Variants in C6 observed in about 807,000 individuals in gnomAD.
C6 encodes the protein complement component C6.
In C6, 101 loss-of-function variants were observed where a neutral mutation model predicts 112.9. The ratio of observed to expected loss-of-function variants is 0.89; its 90% CI spans 0.76 to 1.06. The LOEUF is 1.06. C6 is among the 50% of genes least tolerant of loss of function. The pLI, the probability that C6 is intolerant of heterozygous loss-of-function variation, is 0.00. For synonymous variants in C6, 431 were observed against 384.1 expected, an observed-to-expected ratio of 1.12 and a Z score of -1.43; for missense variants, 1,202 against 1,104.6, an observed-to-expected ratio of 1.09 and a Z score of -1.25.
At chr5:41,212,359 C>T (rs1752000077) in intron 1 of C6, among the ~76,000 whole-genome samples, 1 of 152,050 alleles carries the variant, frequency 6.6e-6, no homozygotes, top group South Asian at 2.1e-4. Flanking sequence ...CGGGGTTTCA[C>T]CATTTTGGTC....
intron 15 of C6, chr5:41,152,868 A>G (rs1346761774): frequency 1.3e-5 from 2 of 152,176 alleles, no homozygotes; most frequent in Non-Finnish European, 2.9e-5. Flanking sequence ...CAGGTTTGAA[A>G]TTGTCAATGA....
intron 9 of C6, among the ~76,000 whole-genome samples, chr5:41,167,187 A>C (rs1324829981): frequency 6.6e-6 from 1 of 152,098 alleles, no homozygotes; most frequent in Non-Finnish European, 1.5e-5. Context: ...TCGAGATCTC[A>C]AGTATACTTT....
intron 5 of C6, among the ~76,000 whole-genome samples, chr5:41,195,176 A>G (rs951208212): frequency 2.0e-5 from 3 of 152,172 alleles, no homozygotes; most frequent in Non-Finnish European, 4.4e-5. Context: ...GAGAATACCT[A>G]GCTATATTCA....
At chr5:41,166,574 ATGTGCTAAACATGGTATGAAGTAC>A (rs1356579556) in intron 9 of C6, among the ~76,000 whole-genome samples, 1 of 152,142 alleles carries the variant, frequency 6.6e-6, no homozygotes, top group Non-Finnish European at 1.5e-5. Flanking sequence ...AACATTTATA[ATGTGCTAAACATGGTATGAAGTAC>A]TGAGGACATA....
At chr5:41,178,877 T>C (rs1282980459) in intron 7 of C6, among the ~76,000 whole-genome samples, 6 of 148,550 alleles carry the variant, frequency 4.0e-5, no homozygotes, top group Non-Finnish European at 6.0e-5. Flanking sequence ...TTTTTTGTTG[T>C]TGTTGTTGCT....
intron 7 of C6, among the ~76,000 whole-genome samples, chr5:41,177,831 T>C (rs1369502980): frequency 6.6e-6 from 1 of 152,204 alleles, no homozygotes; most frequent in East Asian, 1.9e-4. Flanking sequence ...CAGACAAAGT[T>C]CGTGCCTTTG....
At chr5:41,249,740 G>A (rs1304113810) in intron 1 of C6, among the ~76,000 whole-genome samples, 1 of 152,150 alleles carries the variant, frequency 6.6e-6, no homozygotes, top group East Asian at 1.9e-4. Flanking sequence ...AAAGCCAGGA[G>A]TCAGAACTGA....
Position 41,213,524 on chromosome 5 carries a change from C to T in C6, c.-169G>A. ...AACACAAGGCAATGCTGTCATATCC[C>T]AGAAGCCTAGCAACACCTAGAGGGT... On this transcript the variant is annotated 5_prime_UTR_variant, in exon 1 of 18. Coordinates refer to ENST00000337836, the MANE Select transcript of C6 (RefSeq NM_000065.5). 1 of 985,322 alleles carries T rather than the reference C, an allele frequency of 1.0e-6. No individual in the cohort carries two copies. Among genetic ancestry groups the T allele is most frequent in the Non-Finnish European group, 1.2e-6 (1 of 829,896 alleles). 61.0% of individuals were successfully genotyped at this position (985,322 alleles called of 1,614,324 possible). A position where few individuals can be genotyped will look rare whatever the true frequency, so the allele number is the denominator to read the frequency against.
At chr5:41,230,695 G>A (rs554948355) in intron 1 of C6, among the ~76,000 whole-genome samples, 4 of 152,028 alleles carry the variant, frequency 2.6e-5, no homozygotes, top group Middle Eastern at 3.4e-3. Context: ...CTCTCTGTTC[G>A]TACACCCCCT....
At chr5:41,168,225 G>A (rs1454448787) in intron 9 of C6, among the ~76,000 whole-genome samples, 1 of 152,140 alleles carries the variant, frequency 6.6e-6, no homozygotes, top group Non-Finnish European at 1.5e-5. Flanking sequence ...GTACACAGGA[G>A]ATGAAAAATG....
intron 5 of C6, among the ~76,000 whole-genome samples, chr5:41,190,454 A>T (rs1194786560): frequency 6.6e-6 from 1 of 152,004 alleles, no homozygotes; most frequent in Non-Finnish European, 1.5e-5. Flanking sequence ...AAATTGGATT[A>T]TTTATTTATT....
intron 6 of C6, among the ~76,000 whole-genome samples, chr5:41,184,672 A>G (rs1749630012): frequency 6.6e-6 from 1 of 151,924 alleles, no homozygotes; most frequent in African/African-American, 2.4e-5. Flanking sequence ...GGGTTTCATC[A>G]TGTTGCCCAG....
At position 41,142,524 on chromosome 5, in the gene C6, G is replaced by A. The variant is rs1745445191; in HGVS notation, c.*301C>T. ...AATTGCGAGAATGCTTAATGTCACA[G>A]GCTACATAAGGGCCTCAGAAGTCAC... is the stretch of plus-strand genomic sequence containing the variant. On this transcript the variant is annotated 3_prime_UTR_variant, in exon 18 of 18. Coordinates refer to ENST00000337836, the MANE Select transcript of C6 (RefSeq NM_000065.5). The A allele has an allele frequency of 2.7e-6, 1 of 374,470 alleles. No homozygotes were observed. The highest frequency in any genetic ancestry group is 5.0e-6 in the Non-Finnish European group (1 of 201,298). 23.2% of individuals were successfully genotyped at this position (374,470 alleles called of 1,614,324 possible).
intron 1 of C6, among the ~76,000 whole-genome samples, chr5:41,228,136 A>T (rs1336128335): frequency 6.6e-6 from 1 of 151,500 alleles, no homozygotes; most frequent in East Asian, 1.9e-4. Context: ...GTCTGCTTCC[A>T]TTTTTTTCAG....
At chr5:41,194,907 C>G (rs750758782) in intron 5 of C6, among the ~76,000 whole-genome samples, 1 of 152,150 alleles carries the variant, frequency 6.6e-6, no homozygotes, top group African/African-American at 2.4e-5. Flanking sequence ...TATGTGATCT[C>G]CTGAGGTTTC....
intron 1 of C6, among the ~76,000 whole-genome samples, chr5:41,226,016 T>A (rs13183743): frequency 1.3e-5 from 2 of 151,982 alleles, no homozygotes; most frequent in Non-Finnish European, 2.9e-5. Context: ...AAAACCTAGG[T>A]GATACCATTC....
At chr5:41,192,214 C>A (rs115812517) in intron 5 of C6, among the ~76,000 whole-genome samples, 4,610 of 152,176 alleles carry the variant, frequency 0.03, 170 homozygotes, top group Admixed American at 0.1. Flanking sequence ...ATATTTTGAA[C>A]CATCCTTGCA....
chr5:41,206,166 A>G (rs1374251987), intron 1 of C6, among the ~76,000 whole-genome samples: 2 of 152,246 alleles, frequency 1.3e-5, no homozygotes, highest in Non-Finnish European at 2.9e-5. Flanking sequence ...CCTGACTGTT[A>G]GAAGGAAAAC....
intron 1 of C6, among the ~76,000 whole-genome samples, chr5:41,228,432 AT>A (rs1554034857): frequency 6.6e-6 from 1 of 152,034 alleles, no homozygotes; most frequent in Non-Finnish European, 1.5e-5. Context: ...TTCCTTTCCC[AT>A]TTGGATATCT....
Sources: allele counts gnomAD v4.1 joint callset (sites outside exome capture counted in the v4.1 genomes callset), GRCh38; gene constraint gnomAD v4.1.1; transcripts MANE v1.5; gene names NCBI Gene and HGNC (gene_info 2026-07-23, HGNC 2026-07-21).